Variants in ALS2 observed in about 807,000 individuals in gnomAD.
ALS2 encodes alsin Rho guanine nucleotide exchange factor ALS2.
A neutral mutation model predicts 203.4 loss-of-function variants in ALS2; 117 were observed. The observed-to-expected ratio is 0.58, with a 90% CI of 0.50 to 0.67. The LOEUF is 0.67. ALS2 is among the 30% of genes least tolerant of loss of function. ALS2 has a pLI of 0.00. For missense variants in ALS2, 1,715 were observed against 1,989.4 expected (o/e 0.86, Z 2.62); for synonymous variants, 718 against 725.9 (o/e 0.99, Z 0.17).
At chr2:201,707,765 T>A in intron 28 of ALS2, 104 bp downstream of exon 28, 1 of 1,466,460 alleles carries the variant, frequency 6.8e-7, no homozygotes. Context: ...ATTTTAGAAA[T>A]GAGGAAATAG....
At chr2:201,774,610 G>A (rs1022301594) in intron 1 of ALS2, among the ~76,000 whole-genome samples, 1 of 152,130 alleles carries the variant, frequency 6.6e-6, no homozygotes, top group African/African-American at 2.4e-5. Context: ...AAATCATGCA[G>A]GATCCTATGT....
intron 24 of ALS2, among the ~76,000 whole-genome samples, chr2:201,717,497 C>T (rs922603539): frequency 4.0e-5 from 6 of 149,328 alleles, no homozygotes; most frequent in Non-Finnish European, 8.9e-5. Flanking sequence ...AAAAAAAGAA[C>T]ACTCTCTCAC....
At chr2:201,760,519 A>G in intron 4 of ALS2, 1 of 1,031,146 alleles carries the variant, frequency 9.7e-7, no homozygotes, top group African/African-American at 1.7e-5. Flanking sequence ...TGTTACAAAC[A>G]CAAGTAAGAA....
intron 23 of ALS2, chr2:201,721,986 A>G (rs1238376731): frequency 1.3e-5 from 2 of 152,206 alleles, no homozygotes; most frequent in East Asian, 3.8e-4. Flanking sequence ...CATCAAAAGC[A>G]TAATTCATAA....
rs903093129 is a variant in ALS2 at position 201,700,651 on chromosome 2, G to A, written c.*1200C>T. On this transcript the variant is annotated 3_prime_UTR_variant, in exon 34 of 34. Coordinates refer to ENST00000264276, the MANE Select transcript of ALS2 (RefSeq NM_020919.4). ...ACACTTGTCTTGATTATAAAGTAGA[G>A]CAAAAACCATGATCCTTTTTCAAAA... The A allele has an allele frequency of 2.0e-5, 3 of 152,568 alleles. No homozygotes were observed. Among genetic ancestry groups the A allele is most frequent in the African/African-American group, 7.2e-5 (3 of 41,436 alleles). The allele number at this position is 152,568 out of a possible 1,614,324, so 9.5% of individuals were successfully genotyped here.
chr2:201,760,509 T>C, intron 4 of ALS2: 1 of 1,021,254 alleles, frequency 9.8e-7, no homozygotes, highest in Non-Finnish European at 1.2e-6. Flanking sequence ...TTCTGAAGAG[T>C]GTTACAAACA....
intron 25 of ALS2, among the ~76,000 whole-genome samples, chr2:201,713,134 T>TC (rs1559036813): frequency 4.8e-5 from 1 of 20,942 alleles, no homozygotes; most frequent in Non-Finnish European, 1.7e-4. Context: ...TTTTCTTTTC[T>TC]TTTTTTTTTT....
At chr2:201,722,889 G>T in intron 23 of ALS2, 154 bp downstream of exon 23, 1 of 625,720 alleles carries the variant, frequency 1.6e-6, no homozygotes, top group Non-Finnish European at 2.8e-6. Context: ...CTGGATTGTG[G>T]TGGTGGTTTG....
chr2:201,763,983 T>C (rs966924875), intron 3 of ALS2, among the ~76,000 whole-genome samples: 1 of 152,158 alleles, frequency 6.6e-6, no homozygotes, highest in Admixed American at 6.5e-5. Context: ...AGCAATTGAG[T>C]TGATGATGAA....
chr2:201,754,882 T>G (rs546686826), intron 5 of ALS2, among the ~76,000 whole-genome samples: 62 of 152,326 alleles, frequency 4.1e-4, no homozygotes, highest in African/African-American at 1.5e-3. Flanking sequence ...CTACCTCCTC[T>G]GCAGAGATTC....
chr2:201,721,686 C>T (rs928272760), intron 23 of ALS2, among the ~76,000 whole-genome samples: 4 of 151,658 alleles, frequency 2.6e-5, no homozygotes, highest in South Asian at 2.1e-4. Flanking sequence ...TTTTTTTAGA[C>T]GGAGTCTCGC....
In ALS2 at chr2:201,747,454, C is replaced by T. The variant is rs956569292; in HGVS notation, c.1816-706G>A. 5.0e-5 allele frequency among the ~76,000 whole-genome samples: 7 copies of T among 139,032 alleles called. No homozygotes were observed. In the South Asian group the frequency reaches 1.6e-3, roughly 32 times the overall value. 91.2% of individuals were successfully genotyped at this position (139,032 alleles called of 152,430 possible). A position where few individuals can be genotyped will look rare whatever the true frequency, so the allele number is the denominator to read the frequency against. On this transcript the variant is annotated intron_variant, in intron 8 of 33. Transcript: ENST00000264276. ...GGGGAATGGGGAATAGAGTCCAGCA[C>T]TCGGTCGCTTTTTTTTTTTTTTTTG...
intron 12 of ALS2, among the ~76,000 whole-genome samples, chr2:201,736,181 A>G (rs905552130): frequency 7.2e-5 from 11 of 152,186 alleles, no homozygotes; most frequent in Non-Finnish European, 1.0e-4. Context: ...TGTGCTGCTT[A>G]TAAGAAATAT....
rs145724898 is a variant in ALS2, at chr2:201,734,291, A to G, written c.2418-853T>C. Among the ~76,000 whole-genome samples, 69 of 152,234 alleles carry G rather than the reference A, an allele frequency of 4.5e-4. No individual in the cohort carries two copies. The East Asian group carries it at 0.013, about 28-fold the overall frequency. ...GAAGTTTGAGACCAGCCTGAGCAAC[A>G]TAATGAAACCCTGTCTCTGCAAAAA... On this transcript the variant is annotated intron_variant, in intron 12 of 33. Transcript: ENST00000264276.
intron 15 of ALS2, 136 bp from the exon 16 acceptor site, chr2:201,727,911 C>A: frequency 1.2e-6 from 1 of 863,042 alleles, no homozygotes; most frequent in Non-Finnish European, 1.9e-6. Flanking sequence ...TAGTTAAGCC[C>A]ATGTAGGTGC....
intron 1 of ALS2, among the ~76,000 whole-genome samples, chr2:201,772,886 G>A (rs1399715541): frequency 3.0e-5 from 4 of 134,544 alleles, no homozygotes; most frequent in Non-Finnish European, 4.6e-5. Context: ...TTTTGAGATG[G>A]AGTCTTGCAC....
chr2:201,758,158 T>C (rs953827785), intron 4 of ALS2, among the ~76,000 whole-genome samples: 9 of 152,150 alleles, frequency 5.9e-5, no homozygotes, highest in Non-Finnish European at 2.9e-5. Flanking sequence ...AATTTCATTA[T>C]TGATCCCTTT....
chr2:201,734,571 G>A (rs1258719268), intron 12 of ALS2, among the ~76,000 whole-genome samples: 6 of 152,150 alleles, frequency 3.9e-5, no homozygotes, highest in African/African-American at 1.4e-4. Flanking sequence ...GAGATCAGCT[G>A]AGGACTTATT....
In ALS2 at chr2:201,757,669, C is replaced by T. The variant is rs1260922548; in HGVS notation, c.1204G>A (p.Ala402Thr). ...LNSLVVSCASAVGVRVAATYE... is the reference protein window; with the variant it reads ...LNSLVVSCASTVGVRVAATYE... ...GTAGCAGCCACTCTCACACCAACAG[C>T]AGATGCACAAGAGACCACCAGGCTG... Residue 402 changes from alanine (A) to threonine (T), a missense_variant, in exon 5 of 34, where the codon GCT becomes ACT. Physicochemically the swap from Ala to Thr is moderately conservative, Grantham distance 58. This residue lies in a region of ALS2 where 476 missense variants were observed against 539.3 expected (regional missense o/e 0.88). Transcript: ENST00000264276. 3.1e-6 allele frequency: 5 copies of T among 1,613,942 alleles called. No individual in the cohort carries two copies. The highest frequency in any genetic ancestry group is 1.6e-4 in the Middle Eastern group (1 of 6,084).
Sources: allele counts gnomAD v4.1 joint callset (sites outside exome capture counted in the v4.1 genomes callset), GRCh38; gene constraint gnomAD v4.1.1; regional missense constraint gnomAD v4.1.1; transcripts MANE v1.5; gene names NCBI Gene and HGNC (gene_info 2026-07-23, HGNC 2026-07-21).